Variants in XRRA1 observed in about 807,000 individuals in gnomAD.
XRRA1 encodes X-ray radiation resistance associated 1, also known as X-ray radiation resistance-associated protein 1.
Under a neutral mutation model 80.2 loss-of-function variants are expected in XRRA1, and 69 were observed. That is an observed-to-expected ratio of 0.86 (90% CI 0.71 to 1.05). The LOEUF (loss-of-function observed/expected upper bound fraction) is 1.05. XRRA1 is among the 50% of genes least tolerant of loss of function. XRRA1 has a pLI of 0.00. For synonymous variants in XRRA1, 348 were observed against 389.9 expected (o/e 0.89, Z 1.27); for missense variants, 967 against 976.4 (o/e 0.99, Z 0.13).
At chr11:74,909,001 C>T (rs1160520739) in intron 8 of XRRA1, among the ~76,000 whole-genome samples, 2 of 152,132 alleles carry the variant, frequency 1.3e-5, no homozygotes, top group Non-Finnish European at 2.9e-5. Flanking sequence ...GGCTGCTCCA[C>T]GGTGCTCAGG....
At chr11:74,915,860 AT>A (rs1266573557) in intron 8 of XRRA1, among the ~76,000 whole-genome samples, 1 of 151,876 alleles carries the variant, frequency 6.6e-6, no homozygotes, top group Non-Finnish European at 1.5e-5. Flanking sequence ...GTGGTAATGA[AT>A]TTTTTTTACC....
intron 10 of XRRA1, among the ~76,000 whole-genome samples, chr11:74,895,337 G>A (rs2052007600): frequency 6.6e-6 from 1 of 152,234 alleles, no homozygotes; most frequent in Admixed American, 6.5e-5. Context: ...GCCATGCTGG[G>A]CTCAGCTGGT....
At chr11:74,932,871 A>C (rs905400644) in intron 5 of XRRA1, among the ~76,000 whole-genome samples, 1 of 152,216 alleles carries the variant, frequency 6.6e-6, no homozygotes, top group Non-Finnish European at 1.5e-5. Context: ...AGTCTGCTTT[A>C]CCACAAACTT....
intron 5 of XRRA1, among the ~76,000 whole-genome samples, chr11:74,930,903 C>T (rs947285419): frequency 1.3e-5 from 2 of 152,118 alleles, no homozygotes; most frequent in African/African-American, 2.4e-5. Flanking sequence ...TTCCCCAGCT[C>T]GGGTGATCCT....
At chr11:74,870,188 C>CT (rs1359070195) in intron 10 of XRRA1, among the ~76,000 whole-genome samples, 1 of 152,222 alleles carries the variant, frequency 6.6e-6, no homozygotes, top group Non-Finnish European at 1.5e-5. Context: ...CTCGGGAGAA[C>CT]TTAGTGAATC....
intron 8 of XRRA1, chr11:74,911,204 GA>G (rs2055809872): frequency 6.6e-6 from 1 of 152,162 alleles, no homozygotes; most frequent in African/African-American, 2.4e-5. Flanking sequence ...TGAGTGGGAA[GA>G]AAATAATGAC....
chr11:74,892,992 G>A (rs1412110586), intron 10 of XRRA1, among the ~76,000 whole-genome samples: 1 of 152,212 alleles, frequency 6.6e-6, no homozygotes, highest in African/African-American at 2.4e-5. Context: ...GTGGAAGTCA[G>A]TGTGGCAATT....
intron 8 of XRRA1, among the ~76,000 whole-genome samples, chr11:74,916,441 G>A (rs969719125): frequency 9.9e-5 from 15 of 151,866 alleles, no homozygotes; most frequent in African/African-American, 3.1e-4. Flanking sequence ...CTGACTGCTC[G>A]AATCTGCCTT....
chr11:74,911,109 A>T (rs2055783268), intron 8 of XRRA1, among the ~76,000 whole-genome samples: 3 of 152,184 alleles, frequency 2.0e-5, no homozygotes, highest in Non-Finnish European at 4.4e-5. Context: ...GAAAAATAGT[A>T]GGTTAAGGGT....
At chr11:74,877,559 C>A (rs929596181) in intron 10 of XRRA1, among the ~76,000 whole-genome samples, 19 of 151,184 alleles carry the variant, frequency 1.3e-4, no homozygotes, top group African/African-American at 4.4e-4. Flanking sequence ...TGCGCTGCAC[C>A]CACTAACTTG....
intron 10 of XRRA1, among the ~76,000 whole-genome samples, chr11:74,891,176 C>T (rs2050593443): frequency 1.3e-5 from 2 of 152,188 alleles, no homozygotes; most frequent in Non-Finnish European, 2.9e-5. Context: ...CAAACCGAAT[C>T]CAGCAGCACA....
intron 10 of XRRA1, among the ~76,000 whole-genome samples, chr11:74,867,109 T>C (rs758510899): frequency 1.8e-4 from 28 of 152,014 alleles, no homozygotes; most frequent in Non-Finnish European, 3.1e-4. Flanking sequence ...CCTTCAAAGA[T>C]TGAAGGAATA....
Position 74,842,817 on chromosome 11 carries a change from T to G in XRRA1, c.*383A>C. On this transcript the variant is annotated 3_prime_UTR_variant, in exon 19 of 19. Transcript: ENST00000684022. ...TTTTTTGGAGCCATTGTTCAGGAAT[T>G]TGTTAAGATCCCCTTGGTGTCAGTT... is the stretch of plus-strand genomic sequence containing the variant. 4.8e-6 allele frequency: 1 copy of G among 206,854 alleles called. No homozygotes were observed. Among genetic ancestry groups the G allele is most frequent in the Non-Finnish European group, 9.7e-6 (1 of 102,792 alleles). The allele number at this position is 206,854 out of a possible 1,614,324, so 12.8% of individuals were successfully genotyped here. A position where few individuals can be genotyped will look rare whatever the true frequency, so the allele number is the denominator to read the frequency against.
At chr11:74,903,625 C>T (rs2053995008) in intron 10 of XRRA1, among the ~76,000 whole-genome samples, 1 of 152,130 alleles carries the variant, frequency 6.6e-6, no homozygotes, top group Admixed American at 6.5e-5. Context: ...ATGGCGAGAA[C>T]CCAGGAGGCA....
chr11:74,909,850 A>G (rs1309068112), intron 8 of XRRA1: 2 of 152,304 alleles, frequency 1.3e-5, no homozygotes, highest in African/African-American at 2.4e-5. Context: ...AGCTAAGGGT[A>G]TGTGCAGTGG....
intron 2 of XRRA1, among the ~76,000 whole-genome samples, chr11:74,943,525 GT>G (rs1401973748): frequency 0.026 from 155 of 5,924 alleles, 1 homozygote; most frequent in African/African-American, 0.064. Flanking sequence ...GAGTAGGAGG[GT>G]GTGTGTGTGT....
intron 8 of XRRA1, among the ~76,000 whole-genome samples, chr11:74,913,434 T>C (rs2138537824): frequency 6.6e-6 from 1 of 152,346 alleles, no homozygotes; most frequent in African/African-American, 2.4e-5. Flanking sequence ...TGTAGATTCC[T>C]GTAAGCTTAA....
At chr11:74,883,178 G>T (rs1422693977) in intron 10 of XRRA1, among the ~76,000 whole-genome samples, 3 of 152,218 alleles carry the variant, frequency 2.0e-5, no homozygotes, top group Non-Finnish European at 4.4e-5. Flanking sequence ...GTGGGCGTAG[G>T]ACCCTCCGAG....
rs1419318200 is a variant in XRRA1 at position 74,848,120 on chromosome 11, T to C, written c.1723A>G (p.Thr575Ala). 6.2e-7 allele frequency: 1 copy of C among 1,606,860 alleles called. No homozygotes were observed. The highest frequency in any genetic ancestry group is 8.5e-7 in the Non-Finnish European group (1 of 1,178,368). The change falls in exon 15 of 19, where the codon ACC (threonine) becomes GCC (alanine). Residue 575 changes from threonine (T) to alanine (A), a missense_variant. Physicochemically the swap from Thr to Ala is moderately conservative, Grantham distance 58. Transcript: ENST00000684022. ...DSKSTESIFL[T>A]QVSELPSSVI... ...GGGCAGCTGGATACAGGTACCTGGGTCAGGAAGATGGACTCTGTGCTCTTG... is the reference window on the plus strand; with the variant it reads ...GGGCAGCTGGATACAGGTACCTGGGCCAGGAAGATGGACTCTGTGCTCTTG...
Sources: allele counts gnomAD v4.1 joint callset (sites outside exome capture counted in the v4.1 genomes callset), GRCh38; gene constraint gnomAD v4.1.1; transcripts MANE v1.5; gene names NCBI Gene and HGNC (gene_info 2026-07-23, HGNC 2026-07-21).